Variants in BAP1 observed in about 807,000 individuals in gnomAD.
The protein encoded by BAP1 is BRCA1 associated deubiquitinase 1.
In BAP1, 16 loss-of-function variants were observed where a neutral mutation model predicts 77.2. That is an observed-to-expected ratio of 0.21 (90% CI 0.14 to 0.31). BAP1 has a LOEUF of 0.31. Ranked by LOEUF, BAP1 falls within the 10% of genes least tolerant of loss-of-function variation. The pLI, the probability that BAP1 is intolerant of heterozygous loss-of-function variation, is 1.00. For missense variants in BAP1, 699 were observed against 967.3 expected (o/e 0.72, Z 3.68); for synonymous variants, 362 against 385.2 (o/e 0.94, Z 0.71).
Position 52,406,501 on chromosome 3 carries a change from C to A in BAP1, c.660-125G>T, listed in dbSNP as rs1405883983. Reference sequence around the variant, plus strand: ...GCTGTAGGTATAGGCCCCACCCCAACAGGCAGGCAGCGACTAGCCATACAT... The same window carrying A: ...GCTGTAGGTATAGGCCCCACCCCAAAAGGCAGGCAGCGACTAGCCATACAT... On this transcript the variant is annotated intron_variant, in intron 8 of 16. Coordinates refer to ENST00000460680, the MANE Select transcript of BAP1 (RefSeq NM_004656.4). The surrounding 1 kb of genome is among the most constrained non-coding windows in gnomAD (Gnocchi z 4.6). 3 of 1,455,264 alleles carry A rather than the reference C, an allele frequency of 2.1e-6. No homozygotes were observed. The East Asian group carries it at 7.2e-5, about 35-fold the overall frequency. 90.1% of individuals were successfully genotyped at this position (1,455,264 alleles called of 1,614,324 possible). A position where few individuals can be genotyped will look rare whatever the true frequency, so the allele number is the denominator to read the frequency against.
rs772561896 is a variant in BAP1 at position 52,409,707 on chromosome 3, C to T, written c.67+7G>A. 11 of 1,614,138 alleles carry T rather than the reference C, an allele frequency of 6.8e-6. No homozygotes were observed. In the South Asian group the frequency reaches 1.2e-4, roughly 18 times the overall value. On this transcript the variant is annotated splice_region_variant and intron_variant, in intron 2 of 16. Coordinates refer to ENST00000460680, the MANE Select transcript of BAP1 (RefSeq NM_004656.4). Reference sequence around the variant, plus strand: ...GCCCCGGTCCGGCAGGGAGAAAAGGCTCTTACCGAAATCTTCCACGAGCAG... The same window carrying T: ...GCCCCGGTCCGGCAGGGAGAAAAGGTTCTTACCGAAATCTTCCACGAGCAG...
At chr3:52,408,192 T>G (rs1303039610) in intron 4 of BAP1, 115 bp from the exon 5 acceptor site, 2 of 1,488,078 alleles carry the variant, frequency 1.3e-6, no homozygotes. Flanking sequence ...CAACTCCCCT[T>G]CTCAGCTCCT....
Position 52,409,811 on chromosome 3 carries a change from C to G in BAP1, c.37+31G>C, listed in dbSNP as rs200628603. The stretch of plus-strand genomic sequence containing the variant: ...GCGTCCCGGGCCCATCCGGCCTCCC[C>G]AGCCCCTGGCCCTCCCGGTCCCCTC... On this transcript the variant is annotated intron_variant, in intron 1 of 16. Coordinates refer to ENST00000460680, the MANE Select transcript of BAP1 (RefSeq NM_004656.4). 261 of 1,613,050 alleles carry G rather than the reference C, an allele frequency of 1.6e-4. 2 individuals are homozygous for G. The highest frequency in any genetic ancestry group is 1.4e-3 in the South Asian group (126 of 91,070).
chr3:52,409,857 G>C lies in BAP1; in HGVS notation c.22C>G (p.Leu8Val), dbSNP rs759715138. The C allele has an allele frequency of 6.2e-7, 1 of 1,610,800 alleles. No homozygotes were observed. Among genetic ancestry groups the C allele is most frequent in the Non-Finnish European group, 8.5e-7 (1 of 1,179,916 alleles). The change falls in exon 1 of 17, where the codon CTG (leucine) becomes GTG (valine). Residue 8 changes from leucine (L) to valine (V), a missense_variant. This residue lies in a region of BAP1 where 160 missense variants were observed against 322.8 expected (regional missense o/e 0.50). Transcript: ENST00000460680. MNKGWLE[L>V]ESDPGLFTLL... ...CCCTCCTCACCTGGGTCGCTCTCCAGCTCCAGCCAGCCCTTATTCATCTTC... is the reference window on the plus strand; with the variant it reads ...CCCTCCTCACCTGGGTCGCTCTCCACCTCCAGCCAGCCCTTATTCATCTTC...
Position 52,406,509 on chromosome 3 carries a change from C to G in BAP1, c.660-133G>C. ...TATAGGCCCCACCCCAACAGGCAGG[C>G]AGCGACTAGCCATACATGCCAGGCA... On this transcript the variant is annotated intron_variant, in intron 8 of 16. Transcript: ENST00000460680. This position sits in a 1 kb window ranked among gnomAD's most constrained non-coding sequence, Gnocchi z 4.6. 3 of 1,382,102 alleles carry G rather than the reference C, an allele frequency of 2.2e-6. No individual in the cohort carries two copies. The highest frequency in any genetic ancestry group is 3.0e-6 in the Non-Finnish European group (3 of 1,006,138). The allele number at this position is 1,382,102 out of a possible 1,614,324, so 85.6% of individuals were successfully genotyped here. A position where few individuals can be genotyped will look rare whatever the true frequency, so the allele number is the denominator to read the frequency against.
chr3:52,405,987 AC>A, intron 9 of BAP1, 75 bp from the exon 10 acceptor site: 1 of 1,597,544 alleles, frequency 6.3e-7, no homozygotes, highest in African/African-American at 1.3e-5. Context: ...AGGGCTGAGG[AC>A]CTAAAGGAAT....
chr3:52,409,917 C>T lies in BAP1; in HGVS notation c.-39G>A, dbSNP rs893517938. The T allele has an allele frequency of 1.4e-5, 22 of 1,600,098 alleles. No homozygotes were observed. Among genetic ancestry groups the T allele is most frequent in the Non-Finnish European group, 1.9e-5 (22 of 1,179,284 alleles). On this transcript the variant is annotated 5_prime_UTR_variant, in exon 1 of 17. Transcript: ENST00000460680. ...GGCCCCTCAGCGCCATGTCCAGGCC[C>T]TCCCTCCCCACCGCTGCCCCCACCG...
chr3:52,409,658 A>C, intron 2 of BAP1, 50 bp from the exon 3 acceptor site: 1 of 1,614,070 alleles, frequency 6.2e-7, no homozygotes, highest in East Asian at 2.2e-5. Context: ...CTGATGAGTG[A>C]GGGCGCAGGG....
At chr3:52,409,449 T>C in intron 3 of BAP1, 105 bp downstream of exon 3, 1 of 1,459,154 alleles carries the variant, frequency 6.9e-7, no homozygotes, top group South Asian at 1.1e-5. Context: ...TGTGAGATTT[T>C]ACAACGTAGG....
At position 52,405,391 on chromosome 3, in the gene BAP1, G is replaced by C. The variant is rs998709102; in HGVS notation, c.932-97C>G. On this transcript the variant is annotated intron_variant, in intron 10 of 16. Transcript: ENST00000460680. Reference sequence around the variant, plus strand: ...CTGTGAACCAGCACTTCCCAGAGAAGAACAGCCCAGCCAGCTGGTGCAATG... The same window carrying C: ...CTGTGAACCAGCACTTCCCAGAGAACAACAGCCCAGCCAGCTGGTGCAATG... The C allele has an allele frequency of 7.3e-6, 10 of 1,365,842 alleles. No individual in the cohort carries two copies. In the South Asian group the frequency reaches 8.1e-5, roughly 11 times the overall value. 84.6% of individuals were successfully genotyped at this position (1,365,842 alleles called of 1,614,324 possible).
chr3:52,407,995 C>A lies in BAP1; in HGVS notation c.338G>T (p.Ser113Ile). 6.2e-7 allele frequency: 1 copy of A among 1,614,034 alleles called. No individual in the cohort carries two copies. The change falls in exon 5 of 17, where the codon AGT (serine) becomes ATT (isoleucine). Residue 113 changes from serine (S) to isoleucine (I), a missense_variant. Around this residue, in one of 3 missense-constraint regions of BAP1, gnomAD observed 160 missense variants for 322.8 expected, o/e 0.50. Transcript: ENST00000460680. ...ACCCTTGGTGAAGTCCTTCATGCGA[C>A]TCAGGGTGGGTCCCAGGTCCACGCT... ...CSSVDLGPTLSRMKDFTKGFS... is the reference protein window; with the variant it reads ...CSSVDLGPTLIRMKDFTKGFS...
In BAP1 at chr3:52,407,181, A is replaced by G. The variant is rs2153227769; in HGVS notation, c.573T>C (p.Ile191=). 6.2e-7 allele frequency: 1 copy of G among 1,614,014 alleles called. No individual in the cohort carries two copies. The highest frequency in any genetic ancestry group is 8.5e-7 in the Non-Finnish European group (1 of 1,180,030). ...CCAGCTCATGGTGCCTACCATGGTC[A>G]ATGGGGTAGACCTTCAGCCCATCCA... ...FELDGLKVYP[I]DHGPWGEDEE... The change falls in exon 7 of 17, where the codon ATT becomes ATC. Residue 191 remains isoleucine, a synonymous_variant. Transcript: ENST00000460680.
intron 10 of BAP1, chr3:52,405,514 A>C (rs1227138553): frequency 4.8e-6 from 3 of 626,676 alleles, no homozygotes; most frequent in African/African-American, 3.8e-5. Flanking sequence ...AAAAAAAAAA[A>C]AAAAAAACCG....
rs1705150309 is a variant in BAP1 at position 52,406,187 on chromosome 3, G to A, written c.783+66C>T. On this transcript the variant is annotated intron_variant, in intron 9 of 16. Transcript: ENST00000460680. The surrounding 1 kb of genome is among the most constrained non-coding windows in gnomAD (Gnocchi z 4.6). Reference sequence around the variant, plus strand: ...TTCACGAATCAGAGACAAATGCTGTGGGGGAAGGGAGGAGGAATGCAGGGA... The same window carrying A: ...TTCACGAATCAGAGACAAATGCTGTAGGGGAAGGGAGGAGGAATGCAGGGA... 6.2e-6 allele frequency: 10 copies of A among 1,611,508 alleles called. No homozygotes were observed. Among genetic ancestry groups the A allele is most frequent in the African/African-American group, 1.3e-5 (1 of 74,906 alleles).
In BAP1 at chr3:52,402,526, G is replaced by C; in HGVS notation, c.2056+76C>G. The C allele has an allele frequency of 6.2e-7, 1 of 1,611,812 alleles. No individual in the cohort carries two copies. On this transcript the variant is annotated intron_variant, in intron 16 of 16. Coordinates refer to ENST00000460680, the MANE Select transcript of BAP1 (RefSeq NM_004656.4). The surrounding 1 kb of genome is among the most constrained non-coding windows in gnomAD (Gnocchi z 5.3). The stretch of plus-strand genomic sequence containing the variant: ...CCCAAGGTCTGCTCAAGCCTCAGGA[G>C]AGGCCAGGGGAGGGGAGCTGAAGGA...
At chr3:52,407,565 G>A (rs147801853) in intron 5 of BAP1, 105 bp from the exon 6 acceptor site, 65 of 1,495,338 alleles carry the variant, frequency 4.3e-5, no homozygotes, top group Non-Finnish European at 5.5e-5. Context: ...TCCAGGAATC[G>A]GAAGGAACAC....
rs1420847667 is a variant in BAP1, at chr3:52,408,616, G to A, written c.123-10C>T. The stretch of plus-strand genomic sequence containing the variant: ...AAATCCATATACAGGGCTGGGGGAA[G>A]TAAGGGGCAGAGCCAGATCAGCCAA... On this transcript the variant is annotated splice_polypyrimidine_tract_variant and intron_variant, in intron 3 of 16. Transcript: ENST00000460680. The A allele has an allele frequency of 6.2e-7, 1 of 1,607,614 alleles. No homozygotes were observed. The highest frequency in any genetic ancestry group is 8.5e-7 in the Non-Finnish European group (1 of 1,177,100).
Position 52,402,157 on chromosome 3 carries a change from C to T in BAP1, c.*131G>A, listed in dbSNP as rs1704975630. 11 of 1,432,068 alleles carry T rather than the reference C, an allele frequency of 7.7e-6. No homozygotes were observed. In the South Asian group the frequency reaches 1.4e-4, roughly 18 times the overall value. The allele number at this position is 1,432,068 out of a possible 1,614,324, so 88.7% of individuals were successfully genotyped here. A position where few individuals can be genotyped will look rare whatever the true frequency, so the allele number is the denominator to read the frequency against. On this transcript the variant is annotated 3_prime_UTR_variant, in exon 17 of 17. Coordinates refer to ENST00000460680, the MANE Select transcript of BAP1 (RefSeq NM_004656.4). The surrounding 1 kb of genome is among the most constrained non-coding windows in gnomAD (Gnocchi z 5.3). ...ATGGAAGGAATGTGGCCTGGTTCCTCCCATTCCCAGGGCCTGGACTCTCCA... is the reference window on the plus strand; with the variant it reads ...ATGGAAGGAATGTGGCCTGGTTCCTTCCATTCCCAGGGCCTGGACTCTCCA...
In BAP1 at chr3:52,404,411, C is replaced by T. The variant is rs150454901; in HGVS notation, c.1250+42G>A. The T allele has an allele frequency of 2.9e-3, 4,743 of 1,614,040 alleles. 18 individuals carry two copies. The highest frequency in any genetic ancestry group is 3.2e-3 in the Non-Finnish European group (3,797 of 1,179,914). ...AGACTGAGATATTCAGGATGGGATC[C>T]GAAGCACCTAGAACCTGGTAGCCTT... On this transcript the variant is annotated intron_variant, in intron 12 of 16. Transcript: ENST00000460680.
Sources: gnomAD v4.1 joint callset for allele counts on GRCh38, gnomAD v4.1.1 for gene constraint, gnomAD v4.1.1 regional missense constraint, Gnocchi (gnomAD v3.1) non-coding constraint, MANE v1.5 for transcripts, NCBI Gene and HGNC (gene_info 2026-07-23, HGNC 2026-07-21) for gene names.